MGAT4C: variants seen among roughly 807,000 people sequenced by gnomAD.
MGAT4C encodes alpha-1,3-mannosyl-glycoprotein 4-beta-N-acetylglucosaminyltransferase C.
A neutral mutation model predicts 40.1 loss-of-function variants in MGAT4C; 19 were observed. The observed-to-expected ratio is 0.47, with a 90% CI of 0.33 to 0.70. MGAT4C has a LOEUF of 0.70. MGAT4C is among the 30% of genes least tolerant of loss of function. The pLI is 0.02. For synonymous variants in MGAT4C, 181 were observed against 187.1 expected, an observed-to-expected ratio of 0.97 and a Z score of 0.27; for missense variants, 491 against 563.2, an observed-to-expected ratio of 0.87 and a Z score of 1.30.
At chr12:86,478,479 C>T (rs1050269949) in intron 2 of MGAT4C, among the ~76,000 whole-genome samples, 2 of 152,022 alleles carry the variant, frequency 1.3e-5, no homozygotes, top group Non-Finnish European at 2.9e-5. Context: ...CTAAGTAAAT[C>T]CTTAGATCTA....
chr12:86,353,032 A>AAAATAAAT lies in MGAT4C; in HGVS notation c.-119-18913_-119-18906dup, dbSNP rs569679670. The stretch of plus-strand genomic sequence containing the variant: ...TAAAGTATAATAATAATAAAATAAA[A>AAAATAAAT]AAATAAATAAATAAATAAATAAAAT... On this transcript the variant is annotated intron_variant, in intron 3 of 7. Coordinates refer to the MGAT4C transcript ENST00000548651. 3.1e-4 allele frequency among the ~76,000 whole-genome samples: 46 copies of AAAATAAAT among 147,372 alleles called. No homozygotes were observed. The South Asian group carries it at 9.0e-3, about 29-fold the overall frequency.
intron 2 of MGAT4C, among the ~76,000 whole-genome samples, chr12:86,459,111 A>G (rs1957553514): frequency 6.6e-6 from 1 of 152,176 alleles, no homozygotes; most frequent in Non-Finnish European, 1.5e-5. Flanking sequence ...CATGTATATT[A>G]TAATACATAT....
chr12:86,665,606 C>T (rs1291399720), intron 2 of MGAT4C, among the ~76,000 whole-genome samples: 1 of 152,030 alleles, frequency 6.6e-6, no homozygotes, highest in East Asian at 1.9e-4. Flanking sequence ...CTCCTGACCT[C>T]GTGATCCACC....
intron 1 of MGAT4C, among the ~76,000 whole-genome samples, chr12:86,209,694 G>A (rs1240266357): frequency 2.0e-5 from 3 of 152,072 alleles, no homozygotes; most frequent in Non-Finnish European, 4.4e-5. Flanking sequence ...TTCAAAGGCA[G>A]GCCTAGTCAT....
chr12:86,161,889 A>C (rs894368956), intron 1 of MGAT4C, among the ~76,000 whole-genome samples: 2 of 152,192 alleles, frequency 1.3e-5, no homozygotes, highest in Admixed American at 6.5e-5. Context: ...CAACAAACGC[A>C]TGAAAAAATG....
Position 86,200,390 on chromosome 12 carries a change from A to G in MGAT4C, c.-57+55849T>C, listed in dbSNP as rs928816809. Among the ~76,000 whole-genome samples, 181 of 152,052 alleles carry G rather than the reference A, an allele frequency of 1.2e-3. 2 individuals are homozygous for G. The highest frequency in any genetic ancestry group is 3.7e-3 in the African/African-American group (153 of 41,392). On this transcript the variant is annotated intron_variant, in intron 1 of 4. Transcript: ENST00000611864. ...AAACATGTATTTTCACTCTTTAGTA[A>G]ATACCTAGCTGCATTATGGTGCTTT... is the stretch of plus-strand genomic sequence containing the variant.
rs528637263 is a variant in MGAT4C at position 86,493,433 on chromosome 12, G to A, written c.-228-58168C>T. 3.0e-3 allele frequency among the ~76,000 whole-genome samples: 454 copies of A among 152,238 alleles called. 2 individuals are homozygous for A. The highest frequency in any genetic ancestry group is 0.01 in the African/African-American group (433 of 41,522). ...CAATGATAGACTGGATTAAGAAAAT[G>A]TGGCACATATACACCATGGAATACC... On this transcript the variant is annotated intron_variant, in intron 2 of 7. Coordinates refer to the MGAT4C transcript ENST00000548651.
chr12:86,762,629 T>C (rs1951427859), intron 1 of MGAT4C, among the ~76,000 whole-genome samples: 1 of 152,160 alleles, frequency 6.6e-6, no homozygotes, highest in South Asian at 2.1e-4. Context: ...CCTGGTTAAG[T>C]AAGCAATGAA....
chr12:86,037,772 T>C (rs563761202), intron 2 of MGAT4C, among the ~76,000 whole-genome samples: 2 of 149,992 alleles, frequency 1.3e-5, no homozygotes, highest in African/African-American at 4.8e-5. Context: ...TTCTGTTGAT[T>C]TGGGGTGGAG....
chr12:86,160,238 CCT>C (rs1214758129), intron 1 of MGAT4C, among the ~76,000 whole-genome samples: 11 of 150,914 alleles, frequency 7.3e-5, no homozygotes, highest in African/African-American at 7.3e-5. Context: ...AGATTTTTCC[CCT>C]GTTTTCATAT....
chr12:85,995,824 A>G (rs1565832083), intron 2 of MGAT4C, among the ~76,000 whole-genome samples: 1 of 152,176 alleles, frequency 6.6e-6, no homozygotes, highest in Non-Finnish European at 1.5e-5. Context: ...GTGAGCTGTA[A>G]TTGTGCCACT....
chr12:86,239,965 A>T (rs1951708514), intron 1 of MGAT4C, among the ~76,000 whole-genome samples: 1 of 151,176 alleles, frequency 6.6e-6, no homozygotes, highest in African/African-American at 2.4e-5. Context: ...AGCATGGCAC[A>T]TGTATACATA....
At chr12:86,557,950 G>A in intron 2 of MGAT4C, among the ~76,000 whole-genome samples, 1 of 151,522 alleles carries the variant, frequency 6.6e-6, no homozygotes, top group South Asian at 2.1e-4. Flanking sequence ...AAAGAACACA[G>A]ATAAACCATA....
At chr12:85,989,645 C>A (rs1885655909) in intron 2 of MGAT4C, 93 bp from the exon 3 acceptor site, 2 of 1,174,922 alleles carry the variant, frequency 1.7e-6, no homozygotes, top group African/African-American at 1.6e-5. Context: ...TGTAAAATTT[C>A]ATCTTTCAAA....
At chr12:85,982,752 A>G (rs903660499) in intron 4 of MGAT4C, among the ~76,000 whole-genome samples, 1 of 152,208 alleles carries the variant, frequency 6.6e-6, no homozygotes, top group African/African-American at 2.4e-5. Flanking sequence ...TAATTTTATT[A>G]GTAAATTTGA....
intron 3 of MGAT4C, among the ~76,000 whole-genome samples, chr12:86,405,971 A>C (rs371644983): frequency 2.8e-5 from 3 of 108,810 alleles, no homozygotes; most frequent in Non-Finnish European, 5.9e-5. Context: ...TATTATACAT[A>C]TATATATATA....
chr12:86,279,743 G>A (rs1232858083), intron 4 of MGAT4C, among the ~76,000 whole-genome samples: 2 of 150,136 alleles, frequency 1.3e-5, no homozygotes, highest in African/African-American at 4.9e-5. Context: ...TTTATTTGAA[G>A]ATTTTCTACT....
intron 1 of MGAT4C, among the ~76,000 whole-genome samples, chr12:86,108,675 A>C (rs1476347705): frequency 6.6e-6 from 1 of 152,118 alleles, no homozygotes; most frequent in East Asian, 1.9e-4. Flanking sequence ...TATAGGGCCT[A>C]ATTGTAGTAT....
intron 1 of MGAT4C, among the ~76,000 whole-genome samples, chr12:86,764,985 C>T (rs1951478082): frequency 1.3e-5 from 2 of 152,200 alleles, no homozygotes; most frequent in Non-Finnish European, 2.9e-5. Context: ...GAACGCAGTT[C>T]CTCACCAGCA....
Sources: allele counts gnomAD v4.1 joint callset (sites outside exome capture counted in the v4.1 genomes callset), GRCh38; gene constraint gnomAD v4.1.1; transcripts MANE v1.5; gene names NCBI Gene and HGNC (gene_info 2026-07-23, HGNC 2026-07-21).